The following THSD7A variants were observed in gnomAD, a reference collection of about 807,000 sequenced individuals.
The protein encoded by THSD7A is thrombospondin type-1 domain-containing protein 7A.
THSD7A carries 96 observed loss-of-function variants against 231.3 expected under a neutral mutation model. The ratio of observed to expected loss-of-function variants is 0.41; its 90% CI spans 0.35 to 0.49. THSD7A has a LOEUF of 0.49. Ranked by LOEUF, THSD7A falls within the 20% of genes least tolerant of loss-of-function variation. The pLI, the probability that THSD7A is intolerant of heterozygous loss-of-function variation, is 0.05. For synonymous variants in THSD7A, 940 were observed against 743.3 expected, an observed-to-expected ratio of 1.26 and a Z score of -4.30; for missense variants, 2,290 against 2,070.2, an observed-to-expected ratio of 1.11 and a Z score of -2.06.
At chr7:11,745,720 G>A (rs1464929305) in intron 1 of THSD7A, among the ~76,000 whole-genome samples, 2 of 152,000 alleles carry the variant, frequency 1.3e-5, no homozygotes, top group Admixed American at 6.6e-5. Context: ...CCCATTGCTT[G>A]TTTTTCTCAG....
At chr7:11,549,095 G>C (rs933588755) in intron 4 of THSD7A, among the ~76,000 whole-genome samples, 7 of 152,098 alleles carry the variant, frequency 4.6e-5, no homozygotes, top group Admixed American at 3.3e-4. Flanking sequence ...GGCATGAAAA[G>C]ACACTTCTCA....
chr7:11,458,084 A>C (rs1785367613), intron 11 of THSD7A, among the ~76,000 whole-genome samples: 1 of 152,108 alleles, frequency 6.6e-6, no homozygotes, highest in East Asian at 1.9e-4. Flanking sequence ...AATTGAAATG[A>C]GAAATTCTGA....
intron 1 of THSD7A, among the ~76,000 whole-genome samples, chr7:11,724,607 G>A (rs557742368): frequency 2.0e-5 from 3 of 151,920 alleles, no homozygotes; most frequent in African/African-American, 7.2e-5. Context: ...TATTATCGAA[G>A]TATCTAAATT....
Position 11,461,862 on chromosome 7 carries a change from A to T in THSD7A, c.2501+149T>A, listed in dbSNP as rs1033944494. On this transcript the variant is annotated intron_variant, in intron 10 of 27. Coordinates refer to ENST00000423059, the MANE Select transcript of THSD7A (RefSeq NM_015204.3). ...GTAGCACAGCAGCTCTGCTGAAGAG[A>T]CAAGAATGGCAGCTACAGCCATAAA... 1.3e-5 allele frequency: 13 copies of T among 1,010,478 alleles called. No homozygotes were observed. The African/African-American group carries it at 2.1e-4, about 16-fold the overall frequency. The allele number at this position is 1,010,478 out of a possible 1,614,324, so 62.6% of individuals were successfully genotyped here.
chr7:11,432,610 T>C (rs1282181225), intron 13 of THSD7A, among the ~76,000 whole-genome samples: 1 of 152,140 alleles, frequency 6.6e-6, no homozygotes, highest in Non-Finnish European at 1.5e-5. Context: ...CATTGTGATA[T>C]GCGTTTTATC....
At position 11,409,466 on chromosome 7, in the gene THSD7A, C is replaced by T. The variant is rs569058007; in HGVS notation, c.3798+1741G>A. 2.0e-5 allele frequency among the ~76,000 whole-genome samples: 3 copies of T among 152,268 alleles called. No homozygotes were observed. The South Asian group carries it at 6.2e-4, about 32-fold the overall frequency. Reference sequence around the variant, plus strand: ...GTAAGCTTAAAGTCATCTAGGCTCCCATATAATTAAAATTAGTTATTTCCC... The same window carrying T: ...GTAAGCTTAAAGTCATCTAGGCTCCTATATAATTAAAATTAGTTATTTCCC... On this transcript the variant is annotated intron_variant, in intron 19 of 27. Transcript: ENST00000423059.
intron 1 of THSD7A, chr7:11,751,136 C>T (rs552700681): frequency 6.6e-6 from 1 of 152,122 alleles, no homozygotes; most frequent in Non-Finnish European, 1.5e-5. Flanking sequence ...GTCTTTCTTA[C>T]TTTCTCAGAA....
chr7:11,646,992 TGAG>T lies in THSD7A; in HGVS notation c.191-10034_191-10032del, dbSNP rs1202166360. Among the ~76,000 whole-genome samples the T allele has an allele frequency of 8.5e-5, 13 of 152,064 alleles. No homozygotes were observed. In the East Asian group the frequency reaches 2.3e-3, roughly 27 times the overall value. On this transcript the variant is annotated intron_variant, in intron 1 of 27. Coordinates refer to ENST00000423059, the MANE Select transcript of THSD7A (RefSeq NM_015204.3). ...CTGGTTATGACTTTGTGGGACCTTC[TGAG>T]GAGATTTATGAAATGCGTCTCAGAA...
intron 4 of THSD7A, among the ~76,000 whole-genome samples, chr7:11,566,241 C>G (rs1332868798): frequency 6.6e-6 from 1 of 152,178 alleles, no homozygotes; most frequent in Non-Finnish European, 1.5e-5. Flanking sequence ...ATGACCTATG[C>G]TCAACCTTAG....
At chr7:11,710,738 T>C (rs1780927270) in intron 1 of THSD7A, among the ~76,000 whole-genome samples, 1 of 150,918 alleles carries the variant, frequency 6.6e-6, no homozygotes, top group Non-Finnish European at 1.5e-5. Flanking sequence ...TTTTGAATTT[T>C]TAACATTCTG....
rs56683135 is a variant in THSD7A at position 11,611,787 on chromosome 7, AACACACACACACACAC to A, written c.1023-18301_1023-18286del. On this transcript the variant is annotated intron_variant, in intron 2 of 27. Coordinates refer to ENST00000423059, the MANE Select transcript of THSD7A (RefSeq NM_015204.3). ...TACAACTAGCCATAAAGTACCATAA[AACACACACACACACAC>A]ACACACACACACACACACACACACA... 3.3e-3 allele frequency among the ~76,000 whole-genome samples: 464 copies of A among 138,750 alleles called. 2 individuals are homozygous for A. Among genetic ancestry groups the A allele is most frequent in the African/African-American group, 9.9e-3 (362 of 36,614 alleles). 91.0% of individuals were successfully genotyped at this position (138,750 alleles called of 152,430 possible). A position where few individuals can be genotyped will look rare whatever the true frequency, so the allele number is the denominator to read the frequency against.
chr7:11,378,980 T>C, intron 26 of THSD7A, 90 bp downstream of exon 26: 3 of 1,218,830 alleles, frequency 2.5e-6, no homozygotes, highest in Admixed American at 2.1e-5. Flanking sequence ...CAATAGCTCA[T>C]ATAAAAATGC....
intron 16 of THSD7A, among the ~76,000 whole-genome samples, chr7:11,422,083 A>G (rs2023868): frequency 0.44 from 66,548 of 151,996 alleles, 15,334 homozygotes; most frequent in African/African-American, 0.58. Flanking sequence ...CAAGTTGTAG[A>G]CAAAGGGTTG....
At chr7:11,591,164 T>TC (rs1780149612) in intron 3 of THSD7A, among the ~76,000 whole-genome samples, 1 of 151,588 alleles carries the variant, frequency 6.6e-6, no homozygotes, top group Non-Finnish European at 1.5e-5. Flanking sequence ...AGATTTTTTT[T>TC]TTTTTTTTGG....
rs1487579569 is a variant in THSD7A, at chr7:11,372,815, C to G, written c.*2979G>C. ...GTAAAAATAAGGTTTTGATGAAATTCCAATAAAATATTTAACTCATTATTG... is the reference window on the plus strand; with the variant it reads ...GTAAAAATAAGGTTTTGATGAAATTGCAATAAAATATTTAACTCATTATTG... On this transcript the variant is annotated 3_prime_UTR_variant, in exon 28 of 28. Coordinates refer to ENST00000423059, the MANE Select transcript of THSD7A (RefSeq NM_015204.3). The G allele has an allele frequency of 6.6e-6, 1 of 151,894 alleles. No individual in the cohort carries two copies. The highest frequency in any genetic ancestry group is 1.5e-5 in the Non-Finnish European group (1 of 67,944). 9.4% of individuals were successfully genotyped at this position (151,894 alleles called of 1,614,324 possible). A position where few individuals can be genotyped will look rare whatever the true frequency, so the allele number is the denominator to read the frequency against.
intron 1 of THSD7A, among the ~76,000 whole-genome samples, chr7:11,639,422 C>G (rs1231594863): frequency 2.0e-5 from 3 of 152,120 alleles, no homozygotes; most frequent in Non-Finnish European, 4.4e-5. Context: ...GTAATCCCAG[C>G]ACTTTGGGAG....
At chr7:11,817,033 T>C (rs1784723169) in intron 1 of THSD7A, among the ~76,000 whole-genome samples, 1 of 152,154 alleles carries the variant, frequency 6.6e-6, no homozygotes, top group African/African-American at 2.4e-5. Context: ...AATAAATGGG[T>C]TGTAATGGAC....
chr7:11,711,755 T>C (rs578150938), intron 1 of THSD7A, among the ~76,000 whole-genome samples: 27 of 151,354 alleles, frequency 1.8e-4, no homozygotes, highest in African/African-American at 6.5e-4. Context: ...CAGTTTCATC[T>C]ATGGGTAACC....
chr7:11,445,026 A>T (rs1463399352), intron 13 of THSD7A, among the ~76,000 whole-genome samples: 2 of 151,554 alleles, frequency 1.3e-5, no homozygotes, highest in South Asian at 4.1e-4. Flanking sequence ...GTCACCATAC[A>T]CTTTGATAGT....
Sources: allele counts gnomAD v4.1 joint callset (sites outside exome capture counted in the v4.1 genomes callset), GRCh38; gene constraint gnomAD v4.1.1; transcripts MANE v1.5; gene names NCBI Gene and HGNC (gene_info 2026-07-23, HGNC 2026-07-21).